Variants in CDKAL1 observed in about 807,000 individuals in gnomAD.
CDKAL1 encodes threonylcarbamoyladenosine tRNA methylthiotransferase.
Under a neutral mutation model 68.2 loss-of-function variants are expected in CDKAL1, and 32 were observed. The ratio of observed to expected loss-of-function variants is 0.47; its 90% CI spans 0.35 to 0.63. The LOEUF is 0.63. Among genes scored for constraint, CDKAL1 ranks in the 30% least tolerant of loss-of-function variants. The pLI, the probability that CDKAL1 is intolerant of heterozygous loss-of-function variation, is 0.00. For synonymous variants in CDKAL1, 234 were observed against 244.3 expected (o/e 0.96, Z 0.39); for missense variants, 606 against 696.7 (o/e 0.87, Z 1.47).
chr6:20,700,481 A>G (rs1771301915), intron 5 of CDKAL1, among the ~76,000 whole-genome samples: 1 of 152,236 alleles, frequency 6.6e-6, no homozygotes, highest in Non-Finnish European at 1.5e-5. Context: ...AGAAACAAGG[A>G]AAGTCATTGT....
chr6:21,164,445 T>A (rs6916053), intron 13 of CDKAL1, among the ~76,000 whole-genome samples: 4 of 151,344 alleles, frequency 2.6e-5, no homozygotes, highest in African/African-American at 7.4e-5. Flanking sequence ...TAGCAGCCAC[T>A]GTAACCTACA....
chr6:20,587,870 C>T (rs1249729905), intron 4 of CDKAL1, among the ~76,000 whole-genome samples: 1 of 151,966 alleles, frequency 6.6e-6, no homozygotes, highest in Admixed American at 6.6e-5. Context: ...TTAAGTTGGG[C>T]AGATTGCTTG....
intron 4 of CDKAL1, among the ~76,000 whole-genome samples, chr6:20,634,344 AC>A (rs1243870327): frequency 6.6e-6 from 1 of 152,230 alleles, no homozygotes; most frequent in African/African-American, 2.4e-5. Flanking sequence ...ATTCTCAATA[AC>A]GACTTATTTT....
intron 9 of CDKAL1, among the ~76,000 whole-genome samples, chr6:20,902,928 AGT>A (rs1436567843): frequency 1.3e-5 from 2 of 152,104 alleles, no homozygotes; most frequent in African/African-American, 4.8e-5. Flanking sequence ...TTTTCCCATA[AGT>A]AGTAAGTCAT....
At chr6:20,797,587 G>A (rs947393269) in intron 8 of CDKAL1, among the ~76,000 whole-genome samples, 3 of 152,044 alleles carry the variant, frequency 2.0e-5, no homozygotes, top group African/African-American at 7.2e-5. Flanking sequence ...AACAACTCCT[G>A]TATCCTTTAG....
At chr6:20,984,559 G>A (rs906941058) in intron 10 of CDKAL1, among the ~76,000 whole-genome samples, 1 of 152,190 alleles carries the variant, frequency 6.6e-6, no homozygotes, top group Non-Finnish European at 1.5e-5. Context: ...CTTCCAGGAG[G>A]AATGAGGTTG....
chr6:21,093,678 T>C, intron 12 of CDKAL1, among the ~76,000 whole-genome samples: 1 of 143,612 alleles, frequency 7.0e-6, no homozygotes, highest in Non-Finnish European at 1.5e-5. Flanking sequence ...GATAACCAAC[T>C]GAGCTGCTGC....
chr6:21,185,822 T>C (rs1037399317), intron 13 of CDKAL1, among the ~76,000 whole-genome samples: 1 of 152,224 alleles, frequency 6.6e-6, no homozygotes, highest in Admixed American at 6.5e-5. Flanking sequence ...GAAGAAGTAG[T>C]ATTCATTTTT....
intron 8 of CDKAL1, among the ~76,000 whole-genome samples, chr6:20,787,768 C>T (rs755658121): frequency 2.0e-5 from 3 of 152,160 alleles, no homozygotes; most frequent in Non-Finnish European, 4.4e-5. Flanking sequence ...GACCAGTTAA[C>T]TATAGATTGT....
At chr6:21,082,188 C>A (rs1160008726) in intron 12 of CDKAL1, among the ~76,000 whole-genome samples, 1 of 152,158 alleles carries the variant, frequency 6.6e-6, no homozygotes, top group Non-Finnish European at 1.5e-5. Context: ...ATCTTGTAAT[C>A]TAAGATGAAT....
intron 4 of CDKAL1, among the ~76,000 whole-genome samples, chr6:20,640,054 G>C (rs1371016605): frequency 1.3e-5 from 2 of 152,196 alleles, no homozygotes; most frequent in Non-Finnish European, 2.9e-5. Flanking sequence ...TCTATTCTCA[G>C]TTTTTAGTAG....
At chr6:20,645,765 AATAATTTT>A (rs1377306099) in intron 4 of CDKAL1, among the ~76,000 whole-genome samples, 2 of 124,388 alleles carry the variant, frequency 1.6e-5, no homozygotes, top group Non-Finnish European at 3.7e-5. Context: ...AAAATAAATA[AATAATTTT>A]ATTTTATTTA....
chr6:21,219,017 A>G (rs1418302390), intron 15 of CDKAL1, among the ~76,000 whole-genome samples: 1 of 152,208 alleles, frequency 6.6e-6, no homozygotes, highest in African/African-American at 2.4e-5. Flanking sequence ...TATATTCAAA[A>G]TAGAAAGGGA....
intron 13 of CDKAL1, among the ~76,000 whole-genome samples, chr6:21,144,833 A>T (rs1045423378): frequency 2.6e-5 from 4 of 152,026 alleles, no homozygotes; most frequent in African/African-American, 9.7e-5. Flanking sequence ...ACAAACAAAT[A>T]AAAAAGATGA....
intron 13 of CDKAL1, among the ~76,000 whole-genome samples, chr6:21,129,682 CAAAAAAAAA>C (rs34802727): frequency 5.8e-5 from 4 of 69,016 alleles, no homozygotes; most frequent in East Asian, 4.4e-4. Flanking sequence ...TGCAGTTTAC[CAAAAAAAAA>C]AAAAAAAAAA....
intron 9 of CDKAL1, among the ~76,000 whole-genome samples, chr6:20,914,465 T>C (rs1762630133): frequency 6.6e-6 from 1 of 152,302 alleles, no homozygotes; most frequent in Admixed American, 6.5e-5. Flanking sequence ...TCTGACTTTA[T>C]TGTGTTTATC....
intron 8 of CDKAL1, among the ~76,000 whole-genome samples, chr6:20,817,283 A>G (rs1222042155): frequency 1.3e-5 from 2 of 151,864 alleles, no homozygotes; most frequent in East Asian, 1.9e-4. Context: ...AGTTTTCTAT[A>G]TGGCAGCCCA....
intron 4 of CDKAL1, among the ~76,000 whole-genome samples, chr6:20,641,484 C>T (rs1190354155): frequency 6.6e-6 from 1 of 152,116 alleles, no homozygotes. Context: ...GCCCACTGAA[C>T]CTTTATCTTG....
intron 10 of CDKAL1, among the ~76,000 whole-genome samples, chr6:20,994,250 AG>A (rs1766988387): frequency 6.6e-6 from 1 of 152,210 alleles, no homozygotes; most frequent in South Asian, 2.1e-4. Flanking sequence ...AGTCCAAGGC[AG>A]GGGGATCACC....
Sources: allele counts gnomAD v4.1 joint callset (sites outside exome capture counted in the v4.1 genomes callset), GRCh38; gene constraint gnomAD v4.1.1; transcripts MANE v1.5; gene names NCBI Gene and HGNC (gene_info 2026-07-23, HGNC 2026-07-21).